The following NEGR1 variants were observed in gnomAD, a reference collection of about 807,000 sequenced individuals.
NEGR1 encodes the protein neuronal growth regulator 1.
Under a neutral mutation model 40.9 loss-of-function variants are expected in NEGR1, and 10 were observed. The ratio of observed to expected loss-of-function variants is 0.24; its 90% CI spans 0.15 to 0.42. NEGR1 has a LOEUF of 0.42. Among genes scored for constraint, NEGR1 ranks in the 10% least tolerant of loss-of-function variants. The pLI is 1.00. For missense variants in NEGR1, 352 were observed against 438.9 expected, an observed-to-expected ratio of 0.80 and a Z score of 1.77; for synonymous variants, 185 against 166.8, an observed-to-expected ratio of 1.11 and a Z score of -0.84.
chr1:71,474,395 A>G lies in NEGR1; in HGVS notation c.941-66825T>C, dbSNP rs1646804922. Among the ~76,000 whole-genome samples, 3 of 150,688 alleles carry G rather than the reference A, an allele frequency of 2.0e-5. No individual in the cohort carries two copies. In the South Asian group the frequency reaches 6.4e-4, roughly 32 times the overall value. On this transcript the variant is annotated intron_variant, in intron 6 of 6. Transcript: ENST00000357731. ...ATGAGAGAAGAAATTGTTCAGGGCC[A>G]GGAGGGGTGGCTCACGCCTGTAATA...
intron 1 of NEGR1, among the ~76,000 whole-genome samples, chr1:72,115,200 T>TA (rs1422813091): frequency 2.8e-5 from 4 of 141,414 alleles, no homozygotes; most frequent in South Asian, 2.3e-4. Context: ...ATTGTGGTCT[T>TA]TTATATATAT....
At chr1:72,217,039 C>T (rs1653845109) in intron 1 of NEGR1, among the ~76,000 whole-genome samples, 1 of 151,580 alleles carries the variant, frequency 6.6e-6, no homozygotes, top group Non-Finnish European at 1.5e-5. Flanking sequence ...AAGGTTTCAA[C>T]TATATCTTCT....
intron 4 of NEGR1, among the ~76,000 whole-genome samples, chr1:71,668,121 CT>C (rs2101596790): frequency 6.6e-6 from 1 of 152,286 alleles, no homozygotes; most frequent in Admixed American, 6.5e-5. Flanking sequence ...TTGGGTTTAA[CT>C]AAATATTTTC....
intron 4 of NEGR1, among the ~76,000 whole-genome samples, chr1:71,653,501 A>T (rs1485717916): frequency 6.6e-6 from 1 of 152,082 alleles, no homozygotes; most frequent in East Asian, 1.9e-4. Context: ...ATTTCTTTGT[A>T]TTAGATTGAG....
intron 1 of NEGR1, among the ~76,000 whole-genome samples, chr1:72,273,993 T>C (rs1306637711): frequency 7.1e-6 from 1 of 140,932 alleles, no homozygotes; most frequent in Non-Finnish European, 1.6e-5. Context: ...CCACGTGTTG[T>C]TCTTTTTTTT....
chr1:71,486,100 T>C (rs997720894), intron 6 of NEGR1, among the ~76,000 whole-genome samples: 2 of 151,820 alleles, frequency 1.3e-5, no homozygotes, highest in African/African-American at 2.4e-5. Context: ...TCACATTCTC[T>C]TCAGCATTTG....
chr1:71,449,187 A>G (rs1646605994), intron 6 of NEGR1, among the ~76,000 whole-genome samples: 1 of 152,308 alleles, frequency 6.6e-6, no homozygotes, highest in South Asian at 2.1e-4. Context: ...CTAGGTTAAG[A>G]GAGGTATAAG....
chr1:72,072,989 C>T (rs113720755), intron 1 of NEGR1, among the ~76,000 whole-genome samples: 2,117 of 152,230 alleles, frequency 0.014, 49 homozygotes, highest in African/African-American at 0.048. Flanking sequence ...TTCCCTTAGA[C>T]ACAGACTTCA....
intron 2 of NEGR1, among the ~76,000 whole-genome samples, chr1:71,829,720 C>A (rs1005055746): frequency 3.3e-5 from 5 of 151,854 alleles, no homozygotes; most frequent in African/African-American, 1.2e-4. Context: ...TACAACAACA[C>A]AATCAAAAAA....
At chr1:71,447,545 G>T (rs922909362) in intron 6 of NEGR1, among the ~76,000 whole-genome samples, 2 of 152,132 alleles carry the variant, frequency 1.3e-5, no homozygotes, top group Non-Finnish European at 2.9e-5. Context: ...CACCTAGAGT[G>T]ACTTTACCCT....
chr1:72,088,170 A>G (rs1648300045), intron 1 of NEGR1, among the ~76,000 whole-genome samples: 1 of 152,170 alleles, frequency 6.6e-6, no homozygotes, highest in Non-Finnish European at 1.5e-5. Flanking sequence ...ATTAATCATC[A>G]TAGATGAAAT....
At chr1:71,729,946 T>C (rs1320536912) in intron 3 of NEGR1, among the ~76,000 whole-genome samples, 1 of 151,956 alleles carries the variant, frequency 6.6e-6, no homozygotes, top group East Asian at 1.9e-4. Flanking sequence ...GACAATAACT[T>C]ATGAGAGAGT....
At chr1:72,115,658 T>G (rs979396346) in intron 1 of NEGR1, among the ~76,000 whole-genome samples, 1 of 151,698 alleles carries the variant, frequency 6.6e-6, no homozygotes, top group African/African-American at 2.4e-5. Context: ...GGTCGTGTTT[T>G]TAATTGACTT....
intron 2 of NEGR1, among the ~76,000 whole-genome samples, chr1:71,897,751 GTGT>G (rs1427686144): frequency 6.6e-6 from 1 of 152,066 alleles, no homozygotes; most frequent in African/African-American, 2.4e-5. Context: ...TTGTGTGTTT[GTGT>G]TGTTTGTTTT....
chr1:71,505,504 A>G (rs1304075578), intron 6 of NEGR1, among the ~76,000 whole-genome samples: 1 of 151,914 alleles, frequency 6.6e-6, no homozygotes. Flanking sequence ...AATGGTCTCA[A>G]TCTCCTGACC....
chr1:71,455,564 A>G (rs1448774459), intron 6 of NEGR1, among the ~76,000 whole-genome samples: 1 of 152,164 alleles, frequency 6.6e-6, no homozygotes, highest in Non-Finnish European at 1.5e-5. Context: ...GTCTCTACTA[A>G]AATACAAAAA....
intron 4 of NEGR1, among the ~76,000 whole-genome samples, chr1:71,645,892 C>T (rs887865073): frequency 6.6e-6 from 1 of 151,714 alleles, no homozygotes; most frequent in African/African-American, 2.4e-5. Flanking sequence ...GGCTGCCTAG[C>T]ACTGCATAGG....
At chr1:71,935,367 T>C (rs912398436) in intron 1 of NEGR1, 56 bp from the exon 2 acceptor site, 4 of 1,243,226 alleles carry the variant, frequency 3.2e-6, no homozygotes, top group African/African-American at 1.5e-5. Flanking sequence ...AGAGACAACA[T>C]TATTTTGTTC....
intron 1 of NEGR1, among the ~76,000 whole-genome samples, chr1:71,999,608 T>G (rs1254334069): frequency 7.4e-6 from 1 of 135,428 alleles, no homozygotes; most frequent in Admixed American, 7.8e-5. Context: ...AAAATTCTTA[T>G]GTATTTGCAT....
Sources: gnomAD v4.1 joint callset for allele counts (sites outside exome capture counted in the v4.1 genomes callset) on GRCh38, gnomAD v4.1.1 for gene constraint, MANE v1.5 for transcripts, NCBI Gene and HGNC (gene_info 2026-07-23, HGNC 2026-07-21) for gene names.